Variants in CACNB2 observed in about 807,000 individuals in gnomAD.
The protein encoded by CACNB2 is calcium voltage-gated channel auxiliary subunit beta 2.
In CACNB2, 42 loss-of-function variants were observed where a neutral mutation model predicts 73.3. The observed-to-expected ratio is 0.57, with a 90% CI of 0.45 to 0.74. The LOEUF is 0.74. CACNB2 is among the 30% of genes least tolerant of loss of function. CACNB2 has a pLI of 0.00. For missense variants in CACNB2, 940 were observed against 853.0 expected (o/e 1.10, Z -1.27); for synonymous variants, 348 against 310.3 (o/e 1.12, Z -1.28).
intron 2 of CACNB2, among the ~76,000 whole-genome samples, chr10:18,374,372 C>T (rs374528146): frequency 1.3e-5 from 2 of 152,062 alleles, no homozygotes; most frequent in Non-Finnish European, 2.9e-5. Context: ...GAGAGGTGTC[C>T]CCTGTGATGA....
chr10:18,156,337 C>A (rs1344779782), intron 2 of CACNB2, among the ~76,000 whole-genome samples: 1 of 152,158 alleles, frequency 6.6e-6, no homozygotes, highest in African/African-American at 2.4e-5. Flanking sequence ...GTTAATAAAC[C>A]AGTTCACCAT....
chr10:18,184,030 C>T (rs536548474), intron 2 of CACNB2, among the ~76,000 whole-genome samples: 1 of 152,306 alleles, frequency 6.6e-6, no homozygotes, highest in East Asian at 1.9e-4. Flanking sequence ...AAGAAAAATG[C>T]TAAAACAGTG....
intron 2 of CACNB2, among the ~76,000 whole-genome samples, chr10:18,309,276 G>C (rs1425765816): frequency 2.1e-5 from 3 of 145,110 alleles, no homozygotes; most frequent in Non-Finnish European, 1.5e-5. Flanking sequence ...GAGACCAATA[G>C]AGTCAAAAAT....
Position 18,481,224 on chromosome 10 carries a change from A to T in CACNB2, c.334-17131A>T, listed in dbSNP as rs1423143134. On this transcript the variant is annotated intron_variant, in intron 3 of 13. Coordinates refer to ENST00000324631, the MANE Select transcript of CACNB2 (RefSeq NM_201596.3). ...TATATATATATATATATATATATAT[A>T]TATATATTTTTTTTTTTTTTTTTTT... 2.5e-3 allele frequency among the ~76,000 whole-genome samples: 34 copies of T among 13,420 alleles called. 3 individuals carry two copies. The highest frequency in any genetic ancestry group is 2.7e-3 in the Non-Finnish European group (20 of 7,430). 8.8% of individuals were successfully genotyped at this position (13,420 alleles called of 152,430 possible). A position where few individuals can be genotyped will look rare whatever the true frequency, so the allele number is the denominator to read the frequency against.
At chr10:18,507,804 A>G (rs1046472177) in intron 6 of CACNB2, among the ~76,000 whole-genome samples, 2 of 152,248 alleles carry the variant, frequency 1.3e-5, no homozygotes, top group Non-Finnish European at 2.9e-5. Flanking sequence ...TTGTACAACT[A>G]TGCAGAAATC....
chr10:18,169,261 G>C (rs1181336583), intron 2 of CACNB2, among the ~76,000 whole-genome samples: 1 of 152,092 alleles, frequency 6.6e-6, no homozygotes, highest in African/African-American at 2.4e-5. Flanking sequence ...GTTTGGTAGG[G>C]CTAGAAAAGT....
chr10:18,415,749 A>C (rs1256468283), intron 3 of CACNB2, among the ~76,000 whole-genome samples: 3 of 152,190 alleles, frequency 2.0e-5, no homozygotes, highest in African/African-American at 7.2e-5. Flanking sequence ...CAATTTACTT[A>C]ATGGCCCAAG....
intron 2 of CACNB2, among the ~76,000 whole-genome samples, chr10:18,191,248 A>T (rs2034380286): frequency 6.6e-6 from 1 of 152,192 alleles, no homozygotes; most frequent in Admixed American, 6.5e-5. Flanking sequence ...TCCTATCTAT[A>T]TTTTATGAAT....
At chr10:18,281,635 GCA>G in intron 2 of CACNB2, among the ~76,000 whole-genome samples, 1 of 152,170 alleles carries the variant, frequency 6.6e-6, no homozygotes, top group African/African-American at 2.4e-5. Flanking sequence ...TTCCCAAAAA[GCA>G]CAGTCTGAGA....
At chr10:18,356,155 T>C (rs772411489) in intron 2 of CACNB2, among the ~76,000 whole-genome samples, 9 of 152,142 alleles carry the variant, frequency 5.9e-5, no homozygotes, top group Non-Finnish European at 1.0e-4. Flanking sequence ...CCCGCTGTAA[T>C]ATTGCTTACC....
chr10:18,419,153 T>C (rs2045175971), intron 3 of CACNB2, among the ~76,000 whole-genome samples: 1 of 152,208 alleles, frequency 6.6e-6, no homozygotes, highest in Non-Finnish European at 1.5e-5. Context: ...TTACCGTGGT[T>C]GAACTAGATG....
chr10:18,330,333 G>A (rs2040751165), intron 2 of CACNB2, among the ~76,000 whole-genome samples: 1 of 152,186 alleles, frequency 6.6e-6, no homozygotes, highest in South Asian at 2.1e-4. Context: ...CAAAACTCAT[G>A]ACATCAACAA....
chr10:18,496,675 G>A (rs187593658), intron 3 of CACNB2, among the ~76,000 whole-genome samples: 93 of 151,538 alleles, frequency 6.1e-4, no homozygotes, highest in Admixed American at 4.6e-3. Context: ...TTAGCTGGGC[G>A]TGGTGGCGGG....
At position 18,442,949 on chromosome 10, in the gene CACNB2, T is replaced by C. The variant is rs1285867743; in HGVS notation, c.333+40906T>C. Among the ~76,000 whole-genome samples the C allele has an allele frequency of 1.4e-3, 28 of 19,588 alleles. 2 individuals carry two copies. The highest frequency in any genetic ancestry group is 0.013 in the African/African-American group (21 of 1,648). The allele number at this position is 19,588 out of a possible 152,430, so 12.9% of individuals were successfully genotyped here. ...ATGTATATATATATATATGTGTATATATATATATGTATATATATATGTGTA... is the reference window on the plus strand; with the variant it reads ...ATGTATATATATATATATGTGTATACATATATATGTATATATATATGTGTA... On this transcript the variant is annotated intron_variant, in intron 3 of 13. Transcript: ENST00000324631.
chr10:18,191,346 C>T (rs1043234385), intron 2 of CACNB2, among the ~76,000 whole-genome samples: 4 of 152,216 alleles, frequency 2.6e-5, no homozygotes, highest in Admixed American at 6.5e-5. Context: ...AGCTGCCCCC[C>T]GTGTATTGCT....
chr10:18,494,570 T>G (rs1271821167), intron 3 of CACNB2, among the ~76,000 whole-genome samples: 2 of 147,848 alleles, frequency 1.4e-5, no homozygotes, highest in Non-Finnish European at 3.0e-5. Context: ...AGGCGGAGTT[T>G]GCAGTGAGCC....
intron 2 of CACNB2, among the ~76,000 whole-genome samples, chr10:18,381,363 G>A (rs1333815265): frequency 6.6e-6 from 1 of 151,956 alleles, no homozygotes. Context: ...GGCTAAGCAT[G>A]TGTATGCCCT....
intron 3 of CACNB2, among the ~76,000 whole-genome samples, chr10:18,490,849 G>T (rs938807972): frequency 9.5e-5 from 14 of 147,040 alleles, no homozygotes; most frequent in Non-Finnish European, 2.1e-4. Flanking sequence ...CGGGCCGGTG[G>T]GGGAGGGGGG....
intron 13 of CACNB2, 21 bp downstream of exon 13, chr10:18,538,386 T>TATC: frequency 6.2e-7 from 1 of 1,604,052 alleles, no homozygotes; most frequent in Non-Finnish European, 8.5e-7. Context: ...TTTTTATATA[T>TATC]ATCTATATAT....
Sources: gnomAD v4.1 joint callset for allele counts (sites outside exome capture counted in the v4.1 genomes callset) on GRCh38, gnomAD v4.1.1 for gene constraint, MANE v1.5 for transcripts, NCBI Gene and HGNC (gene_info 2026-07-23, HGNC 2026-07-21) for gene names.